The following GREB1L variants were observed in gnomAD, a reference collection of about 807,000 sequenced individuals.
The protein encoded by GREB1L is GREB1 like retinoic acid receptor coactivator, also known as GREB1-like protein.
In GREB1L, 17 loss-of-function variants were observed where a neutral mutation model predicts 200.8. The observed-to-expected ratio is 0.08, with a 90% CI of 0.06 to 0.13. GREB1L has a LOEUF of 0.13. Ranked by LOEUF, GREB1L falls within the 10% of genes least tolerant of loss-of-function variation. The pLI is 1.00. For missense variants in GREB1L, 1,657 were observed against 2,367.7 expected (o/e 0.70, Z 6.23); for synonymous variants, 789 against 893.0 (o/e 0.88, Z 2.08).
intron 1 of GREB1L, among the ~76,000 whole-genome samples, chr18:21,325,387 T>C (rs144184705): frequency 6.6e-6 from 1 of 152,342 alleles, no homozygotes; most frequent in East Asian, 1.9e-4. Flanking sequence ...ATCTCTTCTA[T>C]GCTCGAATCC....
At chr18:21,356,212 A>C (rs1163700578) in intron 1 of GREB1L, among the ~76,000 whole-genome samples, 1 of 150,942 alleles carries the variant, frequency 6.6e-6, no homozygotes, top group East Asian at 1.9e-4. Flanking sequence ...CGAACTCCTG[A>C]CCTCAGGTGA....
rs538059523 is a variant in GREB1L, at chr18:21,268,064, C to T, written c.-120+25671C>T. 7.2e-5 allele frequency among the ~76,000 whole-genome samples: 11 copies of T among 152,084 alleles called. No homozygotes were observed. In the East Asian group the frequency reaches 2.1e-3, roughly 29 times the overall value. ...TTGCCCCCTGATTTCAGTTGGTTCT[C>T]ATGATATTGAGAACTAGGACTAAAG... On this transcript the variant is annotated intron_variant, in intron 1 of 32. Transcript: ENST00000424526.
At chr18:21,459,996 A>G (rs903590921) in intron 15 of GREB1L, among the ~76,000 whole-genome samples, 1 of 152,068 alleles carries the variant, frequency 6.6e-6, no homozygotes, top group African/African-American at 2.4e-5. Context: ...CCGCCTCGTC[A>G]TACCCTGGAC....
chr18:21,512,169 T>G (rs2037264403), intron 27 of GREB1L, among the ~76,000 whole-genome samples: 1 of 152,206 alleles, frequency 6.6e-6, no homozygotes, highest in African/African-American at 2.4e-5. Flanking sequence ...TTTTGGCTAT[T>G]TGGGGTCCCC....
chr18:21,274,111 G>A (rs1341000200), intron 1 of GREB1L, among the ~76,000 whole-genome samples: 2 of 152,110 alleles, frequency 1.3e-5, no homozygotes, highest in East Asian at 3.9e-4. Flanking sequence ...CCAAGATCAA[G>A]GCACCAACAG....
intron 15 of GREB1L, among the ~76,000 whole-genome samples, chr18:21,459,279 C>CTTTTTTTTTTTTTTTTTTTTTT (rs746568414): frequency 1.6e-4 from 14 of 85,912 alleles, no homozygotes; most frequent in Non-Finnish European, 2.8e-4. Flanking sequence ...TTTTTCTTTA[C>CTTTTTTTTTTTTTTTTTTTTTT]TTTTTTTTTT....
intron 16 of GREB1L, among the ~76,000 whole-genome samples, chr18:21,474,180 A>G (rs891020500): frequency 1.3e-5 from 2 of 152,038 alleles, no homozygotes; most frequent in Admixed American, 1.3e-4. Flanking sequence ...CAAAGTCTCA[A>G]CTCTTTTCAG....
intron 1 of GREB1L, among the ~76,000 whole-genome samples, chr18:21,361,698 G>T (rs1217625544): frequency 6.6e-6 from 1 of 151,562 alleles, no homozygotes; most frequent in Non-Finnish European, 1.5e-5. Context: ...TTCTGGTACA[G>T]ACTGTGATCT....
intron 27 of GREB1L, among the ~76,000 whole-genome samples, chr18:21,510,872 TTG>T (rs1568074074): frequency 6.6e-6 from 1 of 152,120 alleles, no homozygotes; most frequent in African/African-American, 2.4e-5. Flanking sequence ...GTGTTTTGCA[TTG>T]TGATTTTGTT....
At chr18:21,261,516 A>C (rs2037889095) in intron 1 of GREB1L, among the ~76,000 whole-genome samples, 1 of 151,930 alleles carries the variant, frequency 6.6e-6, no homozygotes, top group Non-Finnish European at 1.5e-5. Flanking sequence ...TTGATTGCAT[A>C]TTTTCAAGTC....
At chr18:21,491,248 T>A (rs1334157499) in intron 19 of GREB1L, among the ~76,000 whole-genome samples, 4 of 152,114 alleles carry the variant, frequency 2.6e-5, no homozygotes, top group Admixed American at 6.5e-5. Flanking sequence ...CTGAGCTAAA[T>A]TGGGTTAAGG....
At chr18:21,450,057 C>G (rs906138283) in intron 12 of GREB1L, among the ~76,000 whole-genome samples, 1 of 152,122 alleles carries the variant, frequency 6.6e-6, no homozygotes, top group African/African-American at 2.4e-5. Flanking sequence ...GTTGTGGGAG[C>G]ATTATTTCAA....
intron 1 of GREB1L, among the ~76,000 whole-genome samples, chr18:21,260,654 A>G (rs2144106952): frequency 6.7e-6 from 1 of 150,326 alleles, no homozygotes; most frequent in Admixed American, 6.6e-5. Flanking sequence ...TTATATTTAA[A>G]GCATTAACAT....
chr18:21,278,568 G>T (rs1030401442), intron 1 of GREB1L, among the ~76,000 whole-genome samples: 1 of 151,964 alleles, frequency 6.6e-6, no homozygotes, highest in Non-Finnish European at 1.5e-5. Flanking sequence ...AGTGTAAAGT[G>T]TTCTGGGTGT....
chr18:21,401,069 A>G, intron 5 of GREB1L, 81 bp from the exon 6 acceptor site: 1 of 1,163,794 alleles, frequency 8.6e-7, no homozygotes, highest in South Asian at 1.5e-5. Flanking sequence ...AAAGAATGTG[A>G]ATGTTTCTAT....
At position 21,441,454 on chromosome 18, in the gene GREB1L, C is replaced by G. The variant is rs764822745; in HGVS notation, c.1124C>G (p.Pro375Arg). The G allele has an allele frequency of 6.4e-7, 1 of 1,551,524 alleles. No individual in the cohort carries two copies. ...PQTPLTGILQ[P>R]RPIPAGETVI... ...ACCCCACTAACTGGAATTTTACAAC[C>G]CAGGCCCATTCCTGCAGGGGAAACT... is the stretch of plus-strand genomic sequence containing the variant. Residue 375 changes from proline to arginine, a missense_variant, in exon 10 of 33, where the codon CCC becomes CGC. Physicochemically the swap from Pro to Arg is moderately radical, Grantham distance 103. Transcript: ENST00000424526.
At chr18:21,368,199 C>T (rs1315730010) in intron 2 of GREB1L, among the ~76,000 whole-genome samples, 2 of 152,172 alleles carry the variant, frequency 1.3e-5, no homozygotes, top group South Asian at 4.1e-4. Flanking sequence ...AAGGAACATA[C>T]ACATAAATGT....
chr18:21,390,837 C>T (rs1248671497), intron 4 of GREB1L, among the ~76,000 whole-genome samples: 1 of 151,280 alleles, frequency 6.6e-6, no homozygotes, highest in South Asian at 2.1e-4. Flanking sequence ...GCCAGGCCAA[C>T]AAAAAAAGTT....
chr18:21,519,629 G>GCTAA (rs1251651294), intron 31 of GREB1L, among the ~76,000 whole-genome samples: 2 of 152,120 alleles, frequency 1.3e-5, no homozygotes, highest in African/African-American at 4.8e-5. Flanking sequence ...CTTAACAACA[G>GCTAA]CTAACATTTA....
Sources: allele counts gnomAD v4.1 joint callset (sites outside exome capture counted in the v4.1 genomes callset), GRCh38; gene constraint gnomAD v4.1.1; transcripts MANE v1.5; gene names NCBI Gene and HGNC (gene_info 2026-07-23, HGNC 2026-07-21).